The following SGCZ variants were observed in gnomAD, a reference collection of about 807,000 sequenced individuals.
SGCZ encodes zeta-sarcoglycan.
In SGCZ, 40 loss-of-function variants were observed where a neutral mutation model predicts 41.3. The ratio of observed to expected loss-of-function variants is 0.97; its 90% CI spans 0.75 to 1.26. The LOEUF is 1.26. SGCZ is among the 50% of genes most tolerant of loss of function. The pLI is 0.00. For missense variants in SGCZ, 552 were observed against 369.8 expected, an observed-to-expected ratio of 1.49 and a Z score of -4.04; for synonymous variants, 206 against 137.5, an observed-to-expected ratio of 1.50 and a Z score of -3.49.
intron 1 of SGCZ, among the ~76,000 whole-genome samples, chr8:15,236,019 A>T (rs1802107200): frequency 1.3e-5 from 2 of 152,222 alleles, no homozygotes; most frequent in Non-Finnish European, 1.5e-5. Context: ...CTTCTAGCCC[A>T]GGCCAAGGTC....
intron 7 of SGCZ, among the ~76,000 whole-genome samples, chr8:14,098,018 C>A (rs1048938869): frequency 6.6e-6 from 1 of 152,104 alleles, no homozygotes; most frequent in Non-Finnish European, 1.5e-5. Context: ...CTTACTTTCC[C>A]TGCTAAATAC....
At chr8:15,041,512 T>C (rs62493675) in intron 1 of SGCZ, among the ~76,000 whole-genome samples, 3 of 152,164 alleles carry the variant, frequency 2.0e-5, no homozygotes, top group South Asian at 2.1e-4. Flanking sequence ...TAGTTAAATA[T>C]GCAATTTCTT....
At position 14,472,630 on chromosome 8, in the gene SGCZ, G is replaced by T. The variant is rs191256792; in HGVS notation, c.234+82102C>A. Among the ~76,000 whole-genome samples the T allele has an allele frequency of 3.3e-3, 501 of 152,130 alleles. 2 individuals carry two copies. The highest frequency in any genetic ancestry group is 5.0e-3 in the Non-Finnish European group (340 of 67,954). On this transcript the variant is annotated intron_variant, in intron 2 of 7. Coordinates refer to ENST00000382080, the MANE Select transcript of SGCZ (RefSeq NM_139167.4). ...GCAGTGGTAAATGTTTTCCCATATTGCAAGGATCCTCTTCCATTCTACTGG... is the reference window on the plus strand; with the variant it reads ...GCAGTGGTAAATGTTTTCCCATATTTCAAGGATCCTCTTCCATTCTACTGG...
chr8:14,421,255 C>T (rs1400319353), intron 2 of SGCZ, among the ~76,000 whole-genome samples: 1 of 152,040 alleles, frequency 6.6e-6, no homozygotes, highest in Non-Finnish European at 1.5e-5. Flanking sequence ...TCCTGCCACA[C>T]CTTCTCTTTT....
intron 1 of SGCZ, among the ~76,000 whole-genome samples, chr8:14,747,757 G>C (rs1366447934): frequency 6.7e-6 from 1 of 149,258 alleles, no homozygotes; most frequent in African/African-American, 2.5e-5. Flanking sequence ...TTCTGTCCCA[G>C]GCTGGAGTGC....
At chr8:14,376,275 C>T (rs979289702) in intron 2 of SGCZ, among the ~76,000 whole-genome samples, 9 of 152,072 alleles carry the variant, frequency 5.9e-5, no homozygotes, top group African/African-American at 2.2e-4. Context: ...CGTGCCACTG[C>T]ACTCTAGCCT....
At chr8:14,665,538 G>T (rs1807883401) in intron 1 of SGCZ, among the ~76,000 whole-genome samples, 1 of 152,122 alleles carries the variant, frequency 6.6e-6, no homozygotes, top group Non-Finnish European at 1.5e-5. Context: ...TAATGGGATG[G>T]CTGGGTCAAA....
Position 14,208,077 on chromosome 8 carries a change from G to A in SGCZ, c.424+29515C>T, listed in dbSNP as rs564206895. On this transcript the variant is annotated intron_variant, in intron 4 of 7. Coordinates refer to ENST00000382080, the MANE Select transcript of SGCZ (RefSeq NM_139167.4). ...CCAATCAACTTTCATTTACTACAAA[G>A]GTTTAAATGCCTATACTCAATGTAC... is the stretch of plus-strand genomic sequence containing the variant. 2.0e-5 allele frequency among the ~76,000 whole-genome samples: 3 copies of A among 152,170 alleles called. No individual in the cohort carries two copies. The South Asian group carries it at 6.2e-4, about 32-fold the overall frequency.
intron 1 of SGCZ, among the ~76,000 whole-genome samples, chr8:14,971,999 TC>T (rs1198927421): frequency 6.6e-6 from 1 of 152,196 alleles, no homozygotes; most frequent in Non-Finnish European, 1.5e-5. Context: ...TCCAGTTTTT[TC>T]TTTTTTCATA....
intron 5 of SGCZ, among the ~76,000 whole-genome samples, chr8:14,125,402 G>A (rs1802820234): frequency 6.6e-6 from 1 of 151,918 alleles, no homozygotes; most frequent in East Asian, 1.9e-4. Flanking sequence ...TACTTGGGAG[G>A]CTGAGGCAGG....
intron 1 of SGCZ, among the ~76,000 whole-genome samples, chr8:14,854,274 A>T: frequency 6.6e-6 from 1 of 151,674 alleles, no homozygotes; most frequent in Non-Finnish European, 1.5e-5. Context: ...CATTATATGC[A>T]AAATGACTCA....
At chr8:14,136,073 C>A (rs1803187730) in intron 5 of SGCZ, among the ~76,000 whole-genome samples, 1 of 152,048 alleles carries the variant, frequency 6.6e-6, no homozygotes, top group South Asian at 2.1e-4. Flanking sequence ...ACAGAGAAAT[C>A]CTCAACAAAC....
intron 2 of SGCZ, among the ~76,000 whole-genome samples, chr8:14,517,911 GTGTT>G (rs1276930786): frequency 6.6e-6 from 1 of 151,376 alleles, no homozygotes; most frequent in Non-Finnish European, 1.5e-5. Context: ...TTTTTCATAA[GTGTT>G]TGTTTCTTCT....
chr8:14,564,807 T>C (rs1021055287), intron 1 of SGCZ, among the ~76,000 whole-genome samples: 1 of 152,196 alleles, frequency 6.6e-6, no homozygotes, highest in African/African-American at 2.4e-5. Flanking sequence ...CAGCTACTAA[T>C]GTTGAGAGAG....
At chr8:15,217,753 T>C (rs577573157) in intron 1 of SGCZ, among the ~76,000 whole-genome samples, 13 of 152,208 alleles carry the variant, frequency 8.5e-5, no homozygotes, top group Non-Finnish European at 1.5e-4. Flanking sequence ...TTCTCCTGTA[T>C]AGTCTTCAAG....
intron 1 of SGCZ, among the ~76,000 whole-genome samples, chr8:14,870,176 T>C (rs1389104538): frequency 6.6e-6 from 1 of 152,114 alleles, no homozygotes; most frequent in African/African-American, 2.4e-5. Context: ...CAAACTATGA[T>C]ACAAGGCTAT....
chr8:15,221,322 G>A (rs1345485866), intron 1 of SGCZ, among the ~76,000 whole-genome samples: 1 of 152,154 alleles, frequency 6.6e-6, no homozygotes, highest in Non-Finnish European at 1.5e-5. Context: ...GGGGGAGTGG[G>A]AGGTTGAAGA....
At chr8:14,355,128 C>G (rs183839010) in intron 2 of SGCZ, among the ~76,000 whole-genome samples, 28 of 152,108 alleles carry the variant, frequency 1.8e-4, no homozygotes, top group Middle Eastern at 3.4e-3. Flanking sequence ...ATACCAATCT[C>G]TTCAATCTTT....
intron 1 of SGCZ, among the ~76,000 whole-genome samples, chr8:14,626,664 T>C (rs1806465806): frequency 6.6e-6 from 1 of 152,138 alleles, no homozygotes; most frequent in South Asian, 2.1e-4. Context: ...ACAGGGAAAA[T>C]ATCATGAAAA....
Sources: gnomAD v4.1 joint callset for allele counts (sites outside exome capture counted in the v4.1 genomes callset) on GRCh38, gnomAD v4.1.1 for gene constraint, MANE v1.5 for transcripts, NCBI Gene and HGNC (gene_info 2026-07-23, HGNC 2026-07-21) for gene names.